Variants in INIP observed in about 807,000 individuals in gnomAD.
The protein encoded by INIP is SOSS complex subunit C.
INIP carries 9 observed loss-of-function variants against 14.0 expected under a neutral mutation model. That is an observed-to-expected ratio of 0.64 (90% CI 0.39 to 1.12). The LOEUF is 1.12. Ranked by LOEUF, INIP falls within the 50% of genes most tolerant of loss-of-function variation. The pLI is 0.01. For missense variants in INIP, 78 were observed against 122.7 expected (o/e 0.64, Z 1.72); for synonymous variants, 37 against 41.5 (o/e 0.89, Z 0.41).
At position 112,689,586 on chromosome 9, in the gene INIP, C is replaced by T; in HGVS notation, c.160G>A (p.Asp54Asn). 2.5e-6 allele frequency: 4 copies of T among 1,614,124 alleles called. No individual in the cohort carries two copies. The highest frequency in any genetic ancestry group is 3.4e-6 in the Non-Finnish European group (4 of 1,180,010). Residue 54 changes from aspartate (D) to asparagine (N), a missense_variant, in exon 4 of 5, where the codon GAC becomes AAC. Transcript: ENST00000374242. ...TGCTGCTCAGCGTGATCCCGGAAGTCCTTATTAAGAGAGGGTCTCGAGAGT... is the reference window on the plus strand; with the variant it reads ...TGCTGCTCAGCGTGATCCCGGAAGTTCTTATTAAGAGAGGGTCTCGAGAGT... ...IALSRPSLNK[D>N]FRDHAEQQHI... is the part of the protein sequence containing the mutation.
chr9:112,709,409 CA>C (rs1474539891), intron 2 of INIP, among the ~76,000 whole-genome samples: 2 of 152,046 alleles, frequency 1.3e-5, no homozygotes, highest in Admixed American at 6.6e-5. Context: ...GAACGTGGGA[CA>C]TGGAATCAAC....
chr9:112,699,961 G>A (rs1299262777), intron 2 of INIP, among the ~76,000 whole-genome samples: 5 of 152,210 alleles, frequency 3.3e-5, no homozygotes, highest in African/African-American at 9.6e-5. Context: ...TGTTTAGTAA[G>A]TAGTCAGGTC....
At chr9:112,704,438 C>G (rs934375233) in intron 2 of INIP, among the ~76,000 whole-genome samples, 1 of 151,954 alleles carries the variant, frequency 6.6e-6, no homozygotes, top group East Asian at 1.9e-4. Context: ...ACTGATCACA[C>G]AAAAAATAAA....
chr9:112,700,156 A>G (rs1029293564), intron 2 of INIP, among the ~76,000 whole-genome samples: 3 of 152,174 alleles, frequency 2.0e-5, no homozygotes, highest in African/African-American at 4.8e-5. Flanking sequence ...GACACCACCA[A>G]TCCTCATTCC....
intron 2 of INIP, among the ~76,000 whole-genome samples, chr9:112,695,255 G>GAAAAAAAAAAA (rs60657759): frequency 1.5e-5 from 1 of 64,698 alleles, no homozygotes; most frequent in Non-Finnish European, 3.0e-5. Flanking sequence ...CAGAACTACA[G>GAAAAAAAAAAA]AAAAAAAAAA....
intron 3 of INIP, among the ~76,000 whole-genome samples, chr9:112,692,734 C>CA (rs537617018): frequency 0.017 from 2,170 of 131,502 alleles, 13 homozygotes; most frequent in African/African-American, 0.029. Flanking sequence ...ATACAAAACT[C>CA]AAAAAAAAAA....
chr9:112,715,691 T>C (rs1838788693), intron 2 of INIP, among the ~76,000 whole-genome samples: 1 of 151,832 alleles, frequency 6.6e-6, no homozygotes, highest in South Asian at 2.1e-4. Flanking sequence ...GAGGATTGCT[T>C]GAACCTGGGA....
intron 2 of INIP, among the ~76,000 whole-genome samples, chr9:112,696,576 G>T (rs915754433): frequency 1.3e-5 from 2 of 152,140 alleles, no homozygotes; most frequent in Non-Finnish European, 2.9e-5. Context: ...TGGAGATAGT[G>T]TGGGGCCCCA....
intron 2 of INIP, among the ~76,000 whole-genome samples, chr9:112,706,723 A>C (rs1838481446): frequency 6.6e-6 from 1 of 152,136 alleles, no homozygotes. Context: ...TCAGAAGCAC[A>C]AAGATGTTTA....
At chr9:112,705,672 CTGAG>C (rs1169827608) in intron 2 of INIP, among the ~76,000 whole-genome samples, 1 of 152,118 alleles carries the variant, frequency 6.6e-6, no homozygotes, top group African/African-American at 2.4e-5. Flanking sequence ...GTTTACTAAA[CTGAG>C]TATTAAATTA....
intron 2 of INIP, among the ~76,000 whole-genome samples, chr9:112,713,459 G>A (rs1213910569): frequency 1.3e-5 from 2 of 152,198 alleles, no homozygotes; most frequent in South Asian, 2.1e-4. Context: ...TTGGGAGGCC[G>A]AGGTGGGAGG....
chr9:112,693,948 G>T (rs1837982762), intron 3 of INIP, 183 bp downstream of exon 3: 5 of 376,474 alleles, frequency 1.3e-5, no homozygotes, highest in Non-Finnish European at 2.4e-5. Context: ...CGTGGCAGGT[G>T]CCTGTAATCC....
In INIP at chr9:112,686,904, C is replaced by G. The variant is rs1315535852; in HGVS notation, c.*634G>C. The G allele has an allele frequency of 1.3e-5, 2 of 152,186 alleles. No individual in the cohort carries two copies. Among genetic ancestry groups the G allele is most frequent in the Non-Finnish European group, 2.9e-5 (2 of 68,036 alleles). 9.4% of individuals were successfully genotyped at this position (152,186 alleles called of 1,614,324 possible). A position where few individuals can be genotyped will look rare whatever the true frequency, so the allele number is the denominator to read the frequency against. On this transcript the variant is annotated 3_prime_UTR_variant, in exon 5 of 5. Transcript: ENST00000374242. ...GTACAAATTAAAAACCTACCACATTCCCTATTATTTTTAATTGCATCTAGT... is the reference window on the plus strand; with the variant it reads ...GTACAAATTAAAAACCTACCACATTGCCTATTATTTTTAATTGCATCTAGT...
rs970645166 is a variant in INIP, at chr9:112,687,192, G to C, written c.*346C>G. On this transcript the variant is annotated 3_prime_UTR_variant, in exon 5 of 5. Coordinates refer to ENST00000374242, the MANE Select transcript of INIP (RefSeq NM_021218.3). ...TTCTTTAAAGTTAAGTACTATAAAT[G>C]ATTCTTGAAAATCTACTGTGGACAT... 3.7e-4 allele frequency: 65 copies of C among 174,950 alleles called. No individual in the cohort carries two copies. Among genetic ancestry groups the C allele is most frequent in the African/African-American group, 1.3e-3 (57 of 42,404 alleles). The allele number at this position is 174,950 out of a possible 1,614,324, so 10.8% of individuals were successfully genotyped here. A position where few individuals can be genotyped will look rare whatever the true frequency, so the allele number is the denominator to read the frequency against.
At chr9:112,688,122 A>AAATC (rs1814094383) in intron 4 of INIP, among the ~76,000 whole-genome samples, 4 of 151,188 alleles carry the variant, frequency 2.6e-5, no homozygotes, top group African/African-American at 7.3e-5. Context: ...ATAAATAAAT[A>AAATC]AATCAGTTTT....
intron 3 of INIP, among the ~76,000 whole-genome samples, chr9:112,693,363 T>C (rs1395740500): frequency 6.6e-6 from 1 of 152,186 alleles, no homozygotes; most frequent in Non-Finnish European, 1.5e-5. Context: ...CTCTAGACTC[T>C]TAGCCTAGGG....
intron 2 of INIP, among the ~76,000 whole-genome samples, chr9:112,695,279 A>G (rs1212247371): frequency 1.3e-5 from 2 of 150,690 alleles, no homozygotes; most frequent in Non-Finnish European, 3.0e-5. Context: ...AAAAAAGATA[A>G]GGACGATGAT....
intron 4 of INIP, among the ~76,000 whole-genome samples, chr9:112,687,916 T>C (rs1188212408): frequency 6.6e-6 from 1 of 151,908 alleles, no homozygotes; most frequent in Non-Finnish European, 1.5e-5. Flanking sequence ...AAACCCCGTC[T>C]CTACTAAAAA....
At chr9:112,716,977 A>G (rs1183518684) in intron 1 of INIP, among the ~76,000 whole-genome samples, 2 of 151,902 alleles carry the variant, frequency 1.3e-5, no homozygotes, top group African/African-American at 2.4e-5. Context: ...AAAAAAAAAA[A>G]GAAAAGAAAG....
Sources: gnomAD v4.1 joint callset for allele counts (sites outside exome capture counted in the v4.1 genomes callset) on GRCh38, gnomAD v4.1.1 for gene constraint, MANE v1.5 for transcripts, NCBI Gene and HGNC (gene_info 2026-07-23, HGNC 2026-07-21) for gene names.